The following CABIN1 variants were observed in gnomAD, a reference collection of about 807,000 sequenced individuals.
CABIN1 encodes calcineurin binding protein 1.
Under a neutral mutation model 227.7 loss-of-function variants are expected in CABIN1, and 133 were observed. The ratio of observed to expected loss-of-function variants is 0.58; its 90% CI spans 0.51 to 0.67. The LOEUF is 0.67. Among genes scored for constraint, CABIN1 ranks in the 30% least tolerant of loss-of-function variants. CABIN1 has a pLI of 0.00. For missense variants in CABIN1, 2,408 were observed against 2,852.5 expected, an observed-to-expected ratio of 0.84 and a Z score of 3.55; for synonymous variants, 1,086 against 1,155.1, an observed-to-expected ratio of 0.94 and a Z score of 1.21.
chr22:24,094,868 G>A (rs1160077379), intron 24 of CABIN1, among the ~76,000 whole-genome samples: 3 of 150,334 alleles, frequency 2.0e-5, no homozygotes, highest in Non-Finnish European at 4.4e-5. Context: ...ACATTTCTCT[G>A]AAGATTTTTA....
intron 16 of CABIN1, 77 bp from the exon 17 acceptor site, chr22:24,070,723 C>T (rs1450782517): frequency 6.2e-7 from 1 of 1,605,174 alleles, no homozygotes; most frequent in African/African-American, 1.3e-5. Flanking sequence ...TGTTTTCCTT[C>T]AGTTGTCTCT....
rs1407152647 is a variant in CABIN1 at position 24,064,137 on chromosome 22, G to A, written c.1987G>A (p.Val663Ile). ...VEAGAERRDI[V>I]IRLPNLHNDS... ...GGCAGGGGCTGAACGAAGAGACATT[G>A]TCATCCGGCTGCCCAACCTCCATAA... The change falls in exon 15 of 37, where the codon GTC (valine) becomes ATC (isoleucine). Residue 663 changes from valine to isoleucine, a missense_variant. Transcript: ENST00000263119. The A allele has an allele frequency of 6.2e-7, 1 of 1,614,228 alleles. No individual in the cohort carries two copies. The highest frequency in any genetic ancestry group is 1.1e-5 in the South Asian group (1 of 91,084).
At chr22:24,109,825 T>A (rs979659619) in intron 26 of CABIN1, among the ~76,000 whole-genome samples, 2 of 152,228 alleles carry the variant, frequency 1.3e-5, no homozygotes, top group Admixed American at 1.3e-4. Context: ...GGTTGCTAGT[T>A]TATTGAGCTT....
chr22:24,114,621 G>A (rs752607288), intron 27 of CABIN1, among the ~76,000 whole-genome samples: 18 of 152,178 alleles, frequency 1.2e-4, no homozygotes, highest in Admixed American at 2.6e-4. Flanking sequence ...CTACCTCTCC[G>A]GGTGGGATGG....
chr22:24,062,108 C>A, intron 13 of CABIN1, 83 bp downstream of exon 13: 2 of 1,174,896 alleles, frequency 1.7e-6, no homozygotes, highest in South Asian at 1.2e-5. Context: ...GAGACTGAGT[C>A]ATGGAATTTA....
At chr22:24,077,608 T>C (rs145614676) in intron 19 of CABIN1, among the ~76,000 whole-genome samples, 69 of 152,268 alleles carry the variant, frequency 4.5e-4, no homozygotes, top group African/African-American at 1.7e-3. Context: ...AGCTCTACTC[T>C]CCAAGACTAT....
Position 24,063,159 on chromosome 22 carries a change from G to T in CABIN1, c.1884+13G>T, listed in dbSNP as rs373439455. On this transcript the variant is annotated intron_variant, in intron 14 of 36. Transcript: ENST00000263119. The stretch of plus-strand genomic sequence containing the variant: ...CCTGGCGCTGCAGGTTAGTTCCATG[G>T]TCAGCTGCTTGGGGAGCATGCCCTG... The T allele has an allele frequency of 3.1e-6, 5 of 1,613,662 alleles. No individual in the cohort carries two copies. In the South Asian group the frequency reaches 3.3e-5, roughly 11 times the overall value.
At chr22:24,079,509 A>G (rs73165712) in intron 19 of CABIN1, among the ~76,000 whole-genome samples, 9,801 of 152,248 alleles carry the variant, frequency 0.064, 344 homozygotes, top group East Asian at 0.15. Context: ...GAACAGTTTT[A>G]TACTTTTGAT....
chr22:24,040,706 T>C (rs1227285999), intron 4 of CABIN1, among the ~76,000 whole-genome samples: 5 of 152,252 alleles, frequency 3.3e-5, no homozygotes, highest in African/African-American at 9.6e-5. Context: ...AGTTGGGAGC[T>C]CAGTCTCTTG....
At position 24,062,003 on chromosome 22, in the gene CABIN1, G is replaced by T; in HGVS notation, c.1674G>T (p.Leu558=). Residue 558 remains leucine (L), a synonymous_variant, in exon 13 of 37, where the codon CTG becomes CTT. Coordinates refer to ENST00000263119, the MANE Select transcript of CABIN1 (RefSeq NM_012295.4). ...AACTCCAGCTGGACCAGTGGCTGCT[G>T]ACCAAAGGCAGAAGCTCTGCAGGTA... The part of the protein sequence containing the change: ...CMELQLDQWL[L]TKGRSSAVSP... 1 of 1,613,966 alleles carries T rather than the reference G, an allele frequency of 6.2e-7. No homozygotes were observed. Among genetic ancestry groups the T allele is most frequent in the South Asian group, 1.1e-5 (1 of 91,068 alleles).
At chr22:24,045,510 A>C (rs1476247938) in intron 6 of CABIN1, among the ~76,000 whole-genome samples, 1 of 148,876 alleles carries the variant, frequency 6.7e-6, no homozygotes, top group Non-Finnish European at 1.5e-5. Flanking sequence ...AGTCCCAGCT[A>C]CTTGGAAGGA....
chr22:24,169,493 C>T (rs1275032287), intron 33 of CABIN1, among the ~76,000 whole-genome samples: 1 of 152,196 alleles, frequency 6.6e-6, no homozygotes, highest in Non-Finnish European at 1.5e-5. Flanking sequence ...ACCAAGCAGG[C>T]TGTGGGCCAG....
chr22:24,062,944 C>T lies in CABIN1; in HGVS notation c.1697-15C>T. On this transcript the variant is annotated splice_polypyrimidine_tract_variant and intron_variant, in intron 13 of 36. Coordinates refer to ENST00000263119, the MANE Select transcript of CABIN1 (RefSeq NM_012295.4). ...GCTACACATGAAGTTGACTCGTTGG[C>T]CTGATGGTTTTTAGTGTCTCCTCGG... 1 of 1,613,440 alleles carries T rather than the reference C, an allele frequency of 6.2e-7. No individual in the cohort carries two copies. Among genetic ancestry groups the T allele is most frequent in the Non-Finnish European group, 8.5e-7 (1 of 1,179,406 alleles).
At chr22:24,052,702 A>G (rs2038435720) in intron 8 of CABIN1, among the ~76,000 whole-genome samples, 1 of 150,746 alleles carries the variant, frequency 6.6e-6, no homozygotes, top group African/African-American at 2.4e-5. Context: ...GAGGGGGAGG[A>G]TTGCTTGAGC....
intron 28 of CABIN1, 129 bp downstream of exon 28, chr22:24,119,827 G>A: frequency 1.0e-6 from 1 of 959,590 alleles, no homozygotes; most frequent in Non-Finnish European, 1.6e-6. Flanking sequence ...TGGGCGAGGA[G>A]AGCTGCAGGA....
intron 28 of CABIN1, among the ~76,000 whole-genome samples, chr22:24,128,557 C>T (rs1392286436): frequency 6.6e-6 from 1 of 152,172 alleles, no homozygotes; most frequent in Non-Finnish European, 1.5e-5. Context: ...TCCTCTTCCT[C>T]TGGCCTATAG....
intron 13 of CABIN1, 43 bp downstream of exon 13, chr22:24,062,068 C>T: frequency 1.3e-6 from 2 of 1,489,686 alleles, no homozygotes; most frequent in South Asian, 1.1e-5. Context: ...AATATCTGAA[C>T]CCCCAGCAGC....
At chr22:24,065,714 A>G (rs993155801) in intron 15 of CABIN1, among the ~76,000 whole-genome samples, 5 of 152,260 alleles carry the variant, frequency 3.3e-5, no homozygotes, top group Admixed American at 1.3e-4. Context: ...CCTGGGCACC[A>G]TTGAGCACTG....
chr22:24,139,883 C>G (rs1219364439), intron 29 of CABIN1, among the ~76,000 whole-genome samples: 1 of 152,274 alleles, frequency 6.6e-6, no homozygotes, highest in Non-Finnish European at 1.5e-5. Context: ...TCTCCTGGAT[C>G]AGCCAGTGCT....
Sources: allele counts gnomAD v4.1 joint callset (sites outside exome capture counted in the v4.1 genomes callset), GRCh38; gene constraint gnomAD v4.1.1; transcripts MANE v1.5; gene names NCBI Gene and HGNC (gene_info 2026-07-23, HGNC 2026-07-21).